RIMS2: variants seen among roughly 807,000 people sequenced by gnomAD.
RIMS2 encodes regulating synaptic membrane exocytosis protein 2.
In RIMS2, 59 loss-of-function variants were observed where a neutral mutation model predicts 174.4. The ratio of observed to expected loss-of-function variants is 0.34; its 90% CI spans 0.27 to 0.42. The LOEUF (loss-of-function observed/expected upper bound fraction) is 0.42, where lower values mean the gene tolerates loss of function less well. Among genes scored for constraint, RIMS2 ranks in the 10% least tolerant of loss-of-function variants. The pLI is 1.00. For missense variants in RIMS2, 1,620 were observed against 1,666.3 expected, an observed-to-expected ratio of 0.97 and a Z score of 0.48; for synonymous variants, 606 against 572.5, an observed-to-expected ratio of 1.06 and a Z score of -0.84.
At chr8:103,798,915 CTT>C (rs376864472) in intron 3 of RIMS2, among the ~76,000 whole-genome samples, 43 of 134,626 alleles carry the variant, frequency 3.2e-4, no homozygotes, top group Middle Eastern at 3.8e-3. Context: ...AGGTAGAAAA[CTT>C]TTTTTTTTTT....
intron 3 of RIMS2, among the ~76,000 whole-genome samples, chr8:103,883,670 A>T (rs1200843123): frequency 2.0e-5 from 3 of 151,890 alleles, no homozygotes; most frequent in African/African-American, 7.2e-5. Context: ...TACAGTACTT[A>T]TTCCTTTATA....
At chr8:103,547,509 A>G (rs184692440) in intron 1 of RIMS2, among the ~76,000 whole-genome samples, 69 of 152,356 alleles carry the variant, frequency 4.5e-4, no homozygotes, top group Non-Finnish European at 5.0e-4. Flanking sequence ...CAACTTAAGC[A>G]GTGTTAAGAG....
intron 12 of RIMS2, among the ~76,000 whole-genome samples, chr8:103,935,990 A>G (rs561206277): frequency 6.6e-6 from 1 of 152,328 alleles, no homozygotes; most frequent in South Asian, 2.1e-4. Context: ...TCACATAGAA[A>G]TAAATGTACA....
intron 17 of RIMS2, among the ~76,000 whole-genome samples, chr8:103,994,435 A>G (rs2154551122): frequency 6.6e-6 from 1 of 152,146 alleles, no homozygotes; most frequent in East Asian, 1.9e-4. Context: ...TTTTACAGTG[A>G]TTTACTGCTC....
intron 2 of RIMS2, among the ~76,000 whole-genome samples, chr8:103,754,200 CAGG>C (rs2097941712): frequency 6.6e-6 from 1 of 152,154 alleles, no homozygotes; most frequent in Non-Finnish European, 1.5e-5. Context: ...AGTAGTCATT[CAGG>C]AGCAGGTTGT....
At chr8:103,540,505 A>G (rs375400430) in intron 1 of RIMS2, among the ~76,000 whole-genome samples, 18 of 152,324 alleles carry the variant, frequency 1.2e-4, no homozygotes, top group East Asian at 9.6e-4. Flanking sequence ...TACCCCCACC[A>G]TAGGGGAAAG....
intron 19 of RIMS2, among the ~76,000 whole-genome samples, chr8:104,219,116 A>G (rs2099144163): frequency 1.3e-5 from 2 of 152,228 alleles, no homozygotes; most frequent in Non-Finnish European, 2.9e-5. Context: ...GTTAGAATTG[A>G]TGGGACTTAA....
chr8:104,229,530 C>G (rs914044775), intron 19 of RIMS2, among the ~76,000 whole-genome samples: 26 of 152,168 alleles, frequency 1.7e-4, no homozygotes, highest in Non-Finnish European at 5.9e-5. Flanking sequence ...CCCACCAGGC[C>G]TCACATGGAC....
chr8:103,975,889 G>C (rs577451244), intron 16 of RIMS2: 120 of 156,250 alleles, frequency 7.7e-4, no homozygotes, highest in Non-Finnish European at 1.1e-3. Flanking sequence ...ACAGGAAAAA[G>C]AAAGAAGCCA....
chr8:103,983,506 C>T (rs11782932), intron 16 of RIMS2, among the ~76,000 whole-genome samples: 30,897 of 152,012 alleles, frequency 0.2, 3,862 homozygotes, highest in Middle Eastern at 0.36. Flanking sequence ...TATACTACAG[C>T]GCTATAGTAA....
chr8:104,114,363 A>G (rs2131943567), intron 19 of RIMS2, among the ~76,000 whole-genome samples: 1 of 152,134 alleles, frequency 6.6e-6, no homozygotes, highest in South Asian at 2.1e-4. Context: ...AAATCAGTAC[A>G]TAATGCATTC....
chr8:103,979,006 C>T (rs2093676101), intron 16 of RIMS2, among the ~76,000 whole-genome samples: 1 of 151,926 alleles, frequency 6.6e-6, no homozygotes. Flanking sequence ...CTCAATAAAT[C>T]CCAGATAAAA....
In RIMS2 at chr8:103,584,485, T is replaced by C. The variant is rs377339289; in HGVS notation, c.176+83423T>C. On this transcript the variant is annotated intron_variant, in intron 1 of 23. Transcript: ENST00000504942. ...TGTGGTGTGTAAACTTCTCTTATCC[T>C]AAGTGGAAAGAGTAAATAATGACAC... Among the ~76,000 whole-genome samples, 224 of 152,228 alleles carry C rather than the reference T, an allele frequency of 1.5e-3. 5 individuals carry two copies. The South Asian group carries it at 0.025, about 17-fold the overall frequency.
At chr8:103,839,476 C>G (rs944532483) in intron 3 of RIMS2, among the ~76,000 whole-genome samples, 4 of 151,980 alleles carry the variant, frequency 2.6e-5, no homozygotes, top group African/African-American at 9.7e-5. Context: ...GGGCACAGCC[C>G]TTACTTCTAG....
intron 3 of RIMS2, among the ~76,000 whole-genome samples, chr8:103,773,840 G>A (rs76615847): frequency 6.6e-6 from 1 of 151,982 alleles, no homozygotes; most frequent in Admixed American, 6.6e-5. Context: ...GAATTCAGAG[G>A]AATTTGACCG....
Position 104,099,292 on chromosome 8 carries a change from GT to G in RIMS2, c.3334+84678del, listed in dbSNP as rs200924039. Among the ~76,000 whole-genome samples, 1,059 of 152,200 alleles carry G rather than the reference GT, an allele frequency of 7.0e-3. 7 individuals are homozygous for G. Among genetic ancestry groups the G allele is most frequent in the Non-Finnish European group, 8.1e-3 (551 of 68,008 alleles). ...TTTAATTTTCTGGAAGTGTGTTTCA[GT>G]GCCAACTCATCACAGAGGGTATGAT... On this transcript the variant is annotated intron_variant, in intron 19 of 23. Coordinates refer to ENST00000504942, the Ensembl canonical transcript of RIMS2.
intron 19 of RIMS2, among the ~76,000 whole-genome samples, chr8:104,051,303 C>CAT (rs987013964): frequency 5.9e-5 from 9 of 151,852 alleles, no homozygotes; most frequent in Middle Eastern, 3.4e-3. Flanking sequence ...CTCACACACA[C>CAT]ATATATATAT....
chr8:103,940,407 C>T (rs1222705339), intron 13 of RIMS2, among the ~76,000 whole-genome samples: 3 of 152,176 alleles, frequency 2.0e-5, no homozygotes, highest in African/African-American at 7.2e-5. Context: ...TATTCAATTA[C>T]CTCCCACTGG....
intron 19 of RIMS2, among the ~76,000 whole-genome samples, chr8:104,189,608 AT>A (rs1233842706): frequency 6.8e-6 from 1 of 147,448 alleles, no homozygotes; most frequent in African/African-American, 2.5e-5. Context: ...ATTTATGTAA[AT>A]ATATATATAT....
Sources: allele counts gnomAD v4.1 joint callset (sites outside exome capture counted in the v4.1 genomes callset), GRCh38; gene constraint gnomAD v4.1.1; transcripts MANE v1.5; gene names NCBI Gene and HGNC (gene_info 2026-07-23, HGNC 2026-07-21).